RAB8B: variants seen among roughly 807,000 people sequenced by gnomAD.
The protein encoded by RAB8B is ras-related protein Rab-8B.
In RAB8B, 11 loss-of-function variants were observed where a neutral mutation model predicts 32.0. The observed-to-expected ratio is 0.34, with a 90% CI of 0.22 to 0.57. RAB8B has a LOEUF of 0.57. RAB8B is among the 20% of genes least tolerant of loss of function. The pLI, the probability that RAB8B is intolerant of heterozygous loss-of-function variation, is 0.86. For missense variants in RAB8B, 190 were observed against 258.5 expected (o/e 0.73, Z 1.82); for synonymous variants, 103 against 89.6 (o/e 1.15, Z -0.85).
At chr15:63,233,847 T>C (rs1188155229) in intron 1 of RAB8B, among the ~76,000 whole-genome samples, 1 of 152,166 alleles carries the variant, frequency 6.6e-6, no homozygotes, top group East Asian at 1.9e-4. Flanking sequence ...ATTTAACTTC[T>C]GCTTCTTAAA....
At chr15:63,240,697 C>T (rs1229257847) in intron 1 of RAB8B, among the ~76,000 whole-genome samples, 1 of 150,560 alleles carries the variant, frequency 6.6e-6, no homozygotes, top group African/African-American at 2.4e-5. Context: ...AGCTAAATGC[C>T]ATAGTTCACA....
chr15:63,218,935 C>G (rs368872385), intron 1 of RAB8B, among the ~76,000 whole-genome samples: 8 of 149,694 alleles, frequency 5.3e-5, no homozygotes, highest in African/African-American at 2.0e-4. Context: ...TATACAAGAC[C>G]CTGAAGTTGT....
At chr15:63,203,521 C>T (rs1354208437) in intron 1 of RAB8B, among the ~76,000 whole-genome samples, 1 of 152,192 alleles carries the variant, frequency 6.6e-6, no homozygotes, top group Non-Finnish European at 1.5e-5. Flanking sequence ...ATGAAATCAG[C>T]CCCTAGTTCA....
At chr15:63,217,215 C>T (rs916751745) in intron 1 of RAB8B, among the ~76,000 whole-genome samples, 6 of 152,114 alleles carry the variant, frequency 3.9e-5, no homozygotes, top group African/African-American at 1.2e-4. Context: ...ATGGTACATA[C>T]GAGGGCCTAA....
chr15:63,191,236 C>G (rs1219679056), intron 1 of RAB8B, among the ~76,000 whole-genome samples: 1 of 152,120 alleles, frequency 6.6e-6, no homozygotes. Flanking sequence ...TAATAGAGAG[C>G]TAGTGCTTTG....
At chr15:63,204,491 A>T (rs745804359) in intron 1 of RAB8B, among the ~76,000 whole-genome samples, 3 of 152,240 alleles carry the variant, frequency 2.0e-5, no homozygotes, top group Non-Finnish European at 2.9e-5. Flanking sequence ...AAATGTTTCC[A>T]TTTAAATATT....
intron 3 of RAB8B, among the ~76,000 whole-genome samples, chr15:63,249,963 C>T (rs1288266673): frequency 2.0e-5 from 3 of 151,638 alleles, no homozygotes; most frequent in South Asian, 2.1e-4. Flanking sequence ...GGTGAAACCC[C>T]GTCTCTACTA....
At chr15:63,238,532 A>G (rs2038003808) in intron 1 of RAB8B, among the ~76,000 whole-genome samples, 1 of 152,212 alleles carries the variant, frequency 6.6e-6, no homozygotes, top group Non-Finnish European at 1.5e-5. Context: ...ATTAAATGTA[A>G]TAACATTCAT....
chr15:63,259,777 T>C lies in RAB8B; in HGVS notation c.480+85T>C. 3.4e-6 allele frequency: 4 copies of C among 1,187,502 alleles called. No individual in the cohort carries two copies. Among genetic ancestry groups the C allele is most frequent in the Non-Finnish European group, 4.9e-6 (4 of 811,200 alleles). 73.6% of individuals were successfully genotyped at this position (1,187,502 alleles called of 1,614,324 possible). On this transcript the variant is annotated intron_variant, in intron 6 of 7. Transcript: ENST00000321437. This position sits in a 1 kb window ranked among gnomAD's most constrained non-coding sequence, Gnocchi z 4.4. ...TCAAACAGCTCTCAGAGCTTTGGTATTTTCTGACCTAATGAATGCCTTTTG... is the reference window on the plus strand; with the variant it reads ...TCAAACAGCTCTCAGAGCTTTGGTACTTTCTGACCTAATGAATGCCTTTTG...
At chr15:63,225,824 A>AT (rs978601368) in intron 1 of RAB8B, among the ~76,000 whole-genome samples, 9 of 151,704 alleles carry the variant, frequency 5.9e-5, no homozygotes, top group Non-Finnish European at 2.9e-5. Flanking sequence ...AGAATTTAAT[A>AT]TTTTTTTCCT....
intron 1 of RAB8B, among the ~76,000 whole-genome samples, chr15:63,235,589 T>C (rs1482481401): frequency 1.3e-5 from 2 of 151,610 alleles, no homozygotes; most frequent in East Asian, 1.9e-4. Flanking sequence ...AGAGGTAACA[T>C]TGAGTATTAT....
chr15:63,239,607 TGCCATGTTG>T (rs1005442941), intron 1 of RAB8B, among the ~76,000 whole-genome samples: 8 of 151,902 alleles, frequency 5.3e-5, no homozygotes, highest in African/African-American at 1.9e-4. Flanking sequence ...GTAGGGGTTT[TGCCATGTTG>T]GCCAGGCTGG....
At chr15:63,251,808 C>T (rs1053705637) in intron 3 of RAB8B, among the ~76,000 whole-genome samples, 4 of 152,106 alleles carry the variant, frequency 2.6e-5, no homozygotes, top group African/African-American at 9.7e-5. Flanking sequence ...TTCAGGAAAT[C>T]CTGCTGTGCC....
At chr15:63,258,579 A>G (rs1226196815) in intron 5 of RAB8B, among the ~76,000 whole-genome samples, 1 of 152,208 alleles carries the variant, frequency 6.6e-6, no homozygotes, top group South Asian at 2.1e-4. Flanking sequence ...CAATGAAAGA[A>G]TGAAGCCAAA....
At chr15:63,258,057 CTG>C (rs1332801731) in intron 5 of RAB8B, among the ~76,000 whole-genome samples, 1 of 143,580 alleles carries the variant, frequency 7.0e-6, no homozygotes, top group Non-Finnish European at 1.5e-5. Context: ...CAGAGCAAGA[CTG>C]TGTCTCAAAA....
chr15:63,209,749 A>G (rs547019856), intron 1 of RAB8B, among the ~76,000 whole-genome samples: 1 of 151,448 alleles, frequency 6.6e-6, no homozygotes, highest in East Asian at 1.9e-4. Flanking sequence ...TTGCTCGTTT[A>G]TCTTTTTTTT....
rs377384408 is a variant in RAB8B, at chr15:63,216,508, C to T, written c.124+26760C>T. On this transcript the variant is annotated intron_variant, in intron 1 of 7. Transcript: ENST00000321437. ...CCTGCCAAAGTGCTGGGATTACAGGCGTGAGCCACTGTGCCTGGCCTCAAT... is the reference window on the plus strand; with the variant it reads ...CCTGCCAAAGTGCTGGGATTACAGGTGTGAGCCACTGTGCCTGGCCTCAAT... 9.9e-5 allele frequency among the ~76,000 whole-genome samples: 15 copies of T among 151,278 alleles called. No individual in the cohort carries two copies. The East Asian group carries it at 2.6e-3, about 26-fold the overall frequency.
In RAB8B at chr15:63,250,177, A is replaced by G. The variant is rs146723366; in HGVS notation, c.246+472A>G. Among the ~76,000 whole-genome samples, 1,110 of 152,358 alleles carry G rather than the reference A, an allele frequency of 7.3e-3. 13 individuals carry two copies. Among genetic ancestry groups the G allele is most frequent in the Non-Finnish European group, 0.011 (729 of 68,030 alleles). ...GGTTTTTTGGTTGTGTTTAGCAACT[A>G]TATACTTTGCCAGTGGTCTTCATCG... On this transcript the variant is annotated intron_variant, in intron 3 of 7. Transcript: ENST00000321437.
At chr15:63,208,849 A>G (rs1189034401) in intron 1 of RAB8B, among the ~76,000 whole-genome samples, 1 of 151,004 alleles carries the variant, frequency 6.6e-6, no homozygotes, top group Admixed American at 6.6e-5. Flanking sequence ...TCCTATAAGT[A>G]GAACCGTCTT....
Sources: gnomAD v4.1 joint callset for allele counts (sites outside exome capture counted in the v4.1 genomes callset) on GRCh38, gnomAD v4.1.1 for gene constraint, Gnocchi (gnomAD v3.1) non-coding constraint, MANE v1.5 for transcripts, NCBI Gene and HGNC (gene_info 2026-07-23, HGNC 2026-07-21) for gene names.